CD109: variants seen among roughly 807,000 people sequenced by gnomAD.
CD109 encodes the protein CD109 molecule.
CD109 carries 149 observed loss-of-function variants against 165.8 expected under a neutral mutation model. The observed-to-expected ratio is 0.90, with a 90% CI of 0.79 to 1.03. The LOEUF (loss-of-function observed/expected upper bound fraction) is 1.03, where lower values mean the gene tolerates loss of function less well. Among genes scored for constraint, CD109 ranks in the 50% least tolerant of loss-of-function variants. The probability of loss-of-function intolerance (pLI) is 0.00; values close to 1 mark genes in which losing one functional copy is unlikely to be tolerated. For missense variants in CD109, 1,712 were observed against 1,677.8 expected, an observed-to-expected ratio of 1.02 and a Z score of -0.36; for synonymous variants, 585 against 592.1, an observed-to-expected ratio of 0.99 and a Z score of 0.18.
intron 6 of CD109, 151 bp from the exon 7 acceptor site, chr6:73,758,793 C>T (rs1773500532): frequency 3.1e-6 from 2 of 646,826 alleles, no homozygotes; most frequent in Admixed American, 2.8e-5. Flanking sequence ...AATTTAAGTT[C>T]AAATAGTACA....
Position 73,766,800 on chromosome 6 carries a change from T to A in CD109, c.1374T>A (p.Ser458Arg). The A allele has an allele frequency of 6.2e-7, 1 of 1,613,184 alleles. No homozygotes were observed. Among genetic ancestry groups the A allele is most frequent in the South Asian group, 1.1e-5 (1 of 91,018 alleles). ...LGSKSSMAVH[S>R]LFKSPSKTYI... ...GTAAAAGTAGCATGGCAGTTCATAG[T>A]CTGTTTAAGTCTCCTAGTAAGACAT... Residue 458 changes from serine to arginine, a missense_variant, in exon 12 of 33, where the codon AGT becomes AGA. Coordinates refer to ENST00000287097, the MANE Select transcript of CD109 (RefSeq NM_133493.5).
intron 2 of CD109, among the ~76,000 whole-genome samples, chr6:73,701,463 C>G (rs985383581): frequency 6.6e-6 from 1 of 152,154 alleles, no homozygotes; most frequent in African/African-American, 2.4e-5. Flanking sequence ...GAGAGTGAGT[C>G]TGTCCCTTTG....
At chr6:73,780,361 T>C in intron 15 of CD109, 63 bp from the exon 16 acceptor site, 1 of 973,152 alleles carries the variant, frequency 1.0e-6, no homozygotes, top group East Asian at 2.4e-5. Flanking sequence ...TCTAAGTTAC[T>C]TGGAAGAAGT....
At position 73,823,970 on chromosome 6, in the gene CD109, A is replaced by T. The variant is rs1776192846; in HGVS notation, c.*337A>T. On this transcript the variant is annotated 3_prime_UTR_variant, in exon 33 of 33. Coordinates refer to ENST00000287097, the MANE Select transcript of CD109 (RefSeq NM_133493.5). ...CATTTTGTGAAAGAAATGAACCTAG[A>T]TTCTTAAGCATTATTACACATCCAT... 6.0e-6 allele frequency: 1 copy of T among 167,018 alleles called. No homozygotes were observed. The highest frequency in any genetic ancestry group is 1.3e-5 in the Non-Finnish European group (1 of 77,954). 10.3% of individuals were successfully genotyped at this position (167,018 alleles called of 1,614,324 possible).
intron 27 of CD109, among the ~76,000 whole-genome samples, chr6:73,810,673 A>T (rs56831575): frequency 0.041 from 5,685 of 138,656 alleles, 344 homozygotes; most frequent in African/African-American, 0.13. Context: ...TGTGGTATAA[A>T]AAAATCATTG....
intron 15 of CD109, among the ~76,000 whole-genome samples, chr6:73,779,453 T>A (rs1192626827): frequency 6.6e-6 from 1 of 152,126 alleles, no homozygotes; most frequent in Non-Finnish European, 1.5e-5. Flanking sequence ...TTTCACTATG[T>A]TGGCCAGGCT....
chr6:73,684,246 G>T, the CD109 span, among the ~76,000 whole-genome samples: 2 of 148,354 alleles, frequency 1.3e-5, no homozygotes, highest in Non-Finnish European at 3.0e-5. Context: ...TTGAGACAGG[G>T]TCTTGCTCTG....
chr6:73,687,057 C>T, the CD109 span, among the ~76,000 whole-genome samples: 1 of 152,212 alleles, frequency 6.6e-6, no homozygotes, highest in Non-Finnish European at 1.5e-5. Context: ...AGATACAGAA[C>T]ATTTCCATCA....
At chr6:73,787,567 C>T (rs1431153103) in intron 21 of CD109, 115 bp downstream of exon 21, 15 of 703,866 alleles carry the variant, frequency 2.1e-5, no homozygotes, top group Non-Finnish European at 3.1e-5. Context: ...TCTTCTTTAC[C>T]CTTCTGGTAA....
intron 20 of CD109, among the ~76,000 whole-genome samples, 156 bp downstream of exon 20, chr6:73,785,633 T>G (rs1409294448): frequency 2.6e-5 from 4 of 152,234 alleles, no homozygotes; most frequent in Admixed American, 2.0e-4. Context: ...CAGTGATTTC[T>G]TCTGCTAATT....
In CD109 at chr6:73,767,028, C is replaced by G; in HGVS notation, c.1497+18C>G. 6.3e-7 allele frequency: 1 copy of G among 1,593,506 alleles called. No individual in the cohort carries two copies. The highest frequency in any genetic ancestry group is 8.6e-7 in the Non-Finnish European group (1 of 1,163,566). On this transcript the variant is annotated intron_variant, in intron 13 of 32. Transcript: ENST00000287097. ...GCTATATGGTAATCTCTTATAGAAT[C>G]TAAATTTATGATCTATTATAGAATC...
chr6:73,789,774 T>A (rs1386877048), intron 22 of CD109, among the ~76,000 whole-genome samples: 1 of 143,408 alleles, frequency 7.0e-6, no homozygotes, highest in East Asian at 2.1e-4. Context: ...TTTTTTTTTT[T>A]TCCTTTGATG....
At position 73,787,241 on chromosome 6, in the gene CD109, T is replaced by A; in HGVS notation, c.2345T>A (p.Val782Glu). 3 of 1,604,820 alleles carry A rather than the reference T, an allele frequency of 1.9e-6. No homozygotes were observed. Among genetic ancestry groups the A allele is most frequent in the Non-Finnish European group, 2.6e-6 (3 of 1,171,870 alleles). Residue 782 changes from valine to glutamate, a missense_variant, in exon 21 of 33, where the codon GTA (valine) becomes GAA (glutamate). Coordinates refer to ENST00000287097, the MANE Select transcript of CD109 (RefSeq NM_133493.5). The part of the protein sequence containing the change: ...NYLKDATEVK[V>E]IIEKSDKFDI... Reference sequence around the variant, plus strand: ...TTTATTTTTTTCTTTCAGGTTAAGGTAATCATTGAGAAAAGTGACAAATTT... The same window carrying A: ...TTTATTTTTTTCTTTCAGGTTAAGGAAATCATTGAGAAAAGTGACAAATTT...
intron 13 of CD109, among the ~76,000 whole-genome samples, chr6:73,767,519 T>G (rs1290742943): frequency 6.6e-6 from 1 of 152,230 alleles, no homozygotes; most frequent in African/African-American, 2.4e-5. Context: ...ACACTAAACT[T>G]ATTAATTTTT....
At chr6:73,816,983 G>A (rs2150308472) in intron 30 of CD109, among the ~76,000 whole-genome samples, 1 of 152,300 alleles carries the variant, frequency 6.6e-6, no homozygotes, top group African/African-American at 2.4e-5. Flanking sequence ...GGTAGAGCCT[G>A]AAGAAGGGAA....
At chr6:73,818,220 T>C (rs536367985) in intron 30 of CD109, among the ~76,000 whole-genome samples, 168 bp from the exon 31 acceptor site, 50 of 152,314 alleles carry the variant, frequency 3.3e-4, no homozygotes, top group African/African-American at 1.1e-3. Context: ...TTACCACACA[T>C]GTAAGAAAAT....
At chr6:73,814,931 GA>G in intron 29 of CD109, 49 bp from the exon 30 acceptor site, 1 of 1,379,566 alleles carries the variant, frequency 7.2e-7, no homozygotes, top group Non-Finnish European at 9.5e-7. Flanking sequence ...AAGGCAAAAT[GA>G]TGGAAATTTA....
chr6:73,691,400 C>A (rs917877736), upstream of CD109, among the ~76,000 whole-genome samples: 6 of 152,194 alleles, frequency 3.9e-5, no homozygotes, highest in Admixed American at 6.5e-5. Context: ...GAGTGCTAGG[C>A]AGTTGGGAAC....
At chr6:73,745,215 C>T (rs1264991749) in intron 5 of CD109, among the ~76,000 whole-genome samples, 1 of 152,164 alleles carries the variant, frequency 6.6e-6, no homozygotes. Context: ...GATTCTCCTG[C>T]CTTAGCCTCC....
Sources: gnomAD v4.1 joint callset for allele counts (sites outside exome capture counted in the v4.1 genomes callset) on GRCh38, gnomAD v4.1.1 for gene constraint, MANE v1.5 for transcripts, NCBI Gene and HGNC (gene_info 2026-07-23, HGNC 2026-07-21) for gene names.